Variants in SPIRE1 observed in about 807,000 individuals in gnomAD.
SPIRE1 encodes the protein spire type actin nucleation factor 1.
SPIRE1 carries 40 observed loss-of-function variants against 94.1 expected under a neutral mutation model. The ratio of observed to expected loss-of-function variants is 0.43; its 90% CI spans 0.33 to 0.55. SPIRE1 has a LOEUF of 0.55. Ranked by LOEUF, SPIRE1 falls within the 20% of genes least tolerant of loss-of-function variation. The probability of loss-of-function intolerance (pLI) is 0.06; values close to 1 mark genes in which losing one functional copy is unlikely to be tolerated. For missense variants in SPIRE1, 838 were observed against 975.2 expected, an observed-to-expected ratio of 0.86 and a Z score of 1.87; for synonymous variants, 376 against 371.7, an observed-to-expected ratio of 1.01 and a Z score of -0.13.
chr18:12,631,771 A>T (rs1598560623), intron 2 of SPIRE1, among the ~76,000 whole-genome samples: 1 of 152,254 alleles, frequency 6.6e-6, no homozygotes, highest in East Asian at 1.9e-4. Context: ...AGGCTGAGGT[A>T]GTAGAATCGC....
intron 16 of SPIRE1, chr18:12,450,540 C>T: frequency 1.8e-6 from 1 of 557,200 alleles, no homozygotes; most frequent in Non-Finnish European, 3.2e-6. Flanking sequence ...AAGAAGAGCC[C>T]AGCGGTCTCT....
chr18:12,506,082 T>A (rs2033822168), intron 6 of SPIRE1, among the ~76,000 whole-genome samples: 1 of 152,176 alleles, frequency 6.6e-6, no homozygotes, highest in Non-Finnish European at 1.5e-5. Flanking sequence ...AAATAAATAA[T>A]TTTTAAAATT....
rs1411121994 is a variant in SPIRE1 at position 12,546,776 on chromosome 18, G to A, written c.501C>T (p.Asp167=). The part of the protein sequence containing the change: ...IDHMANTVEA[D]GSNDEGYEAA... ...CCTCATAGCCCTCATCATTGCTACC[G>A]TCAGCTTCCACCGTGTTGGCCATGT... The change falls in exon 3 of 17, where the codon GAC becomes GAT. Residue 167 remains aspartate, a synonymous_variant. Transcript: ENST00000409402. 21 of 1,613,692 alleles carry A rather than the reference G, an allele frequency of 1.3e-5. No individual in the cohort carries two copies. The highest frequency in any genetic ancestry group is 8.3e-5 in the Admixed American group (5 of 59,962).
Position 12,463,504 on chromosome 18 carries a change from A to C in SPIRE1, c.1496-11T>G. 6.2e-7 allele frequency: 1 copy of C among 1,603,858 alleles called. No homozygotes were observed. Among genetic ancestry groups the C allele is most frequent in the Non-Finnish European group, 8.5e-7 (1 of 1,175,568 alleles). On this transcript the variant is annotated splice_polypyrimidine_tract_variant and intron_variant, in intron 11 of 16. Transcript: ENST00000409402. ...GGAATTTTGGAGGCTCTAAAGATTG[A>C]ACCAAATGAAATAAAACTTACTGTG...
upstream of SPIRE1, among the ~76,000 whole-genome samples, chr18:12,660,935 A>G (rs1246571539): frequency 6.6e-6 from 1 of 152,254 alleles, no homozygotes; most frequent in African/African-American, 2.4e-5. Context: ...GTGTAGTTAT[A>G]CAACATGAAC....
intron 10 of SPIRE1, among the ~76,000 whole-genome samples, chr18:12,478,427 AGG>A (rs1332766255): frequency 7.1e-6 from 1 of 141,022 alleles, no homozygotes; most frequent in Non-Finnish European, 1.5e-5. Context: ...GTGTGAAGCG[AGG>A]GTGTGTATGT....
At chr18:12,503,033 C>T (rs918548114) in intron 6 of SPIRE1, among the ~76,000 whole-genome samples, 17 of 151,524 alleles carry the variant, frequency 1.1e-4, no homozygotes, top group Middle Eastern at 3.4e-3. Flanking sequence ...GGCGTGAACC[C>T]GGGAGGCGGA....
chr18:12,454,281 G>A (rs2143517613), intron 13 of SPIRE1, 65 bp downstream of exon 13: 4 of 1,583,454 alleles, frequency 2.5e-6, no homozygotes, highest in Non-Finnish European at 3.5e-6. Context: ...AACTCTCCCA[G>A]GAGACTATGC....
Position 12,449,880 on chromosome 18 carries a change from T to TA in SPIRE1, c.2028dup (p.Lys677Ter), listed in dbSNP as rs2031139944. The TA allele has an allele frequency of 6.2e-7, 1 of 1,613,986 alleles. No homozygotes were observed. Among genetic ancestry groups the TA allele is most frequent in the Non-Finnish European group, 8.5e-7 (1 of 1,180,024 alleles). ...TCTTCATCTGATTTGTCCATAGACT[T>TA]AGATTTTGAGGAGAACCTGGGGTGA... On this transcript the variant is annotated frameshift_variant, in exon 17 of 17. Transcript: ENST00000409402. LOFTEE classifies it high-confidence loss of function.
At chr18:12,483,269 T>G (rs1426792687) in intron 9 of SPIRE1, among the ~76,000 whole-genome samples, 3 of 152,188 alleles carry the variant, frequency 2.0e-5, no homozygotes, top group South Asian at 2.1e-4. Context: ...AAACATATTT[T>G]TAAGAAGTTT....
At chr18:12,473,814 T>A (rs1024458818) in intron 10 of SPIRE1, among the ~76,000 whole-genome samples, 4 of 152,198 alleles carry the variant, frequency 2.6e-5, no homozygotes, top group Non-Finnish European at 5.9e-5. Context: ...TGGACCCACA[T>A]TTAAGTTAAC....
chr18:12,501,072 C>CAAAAAAAAA (rs67894900), intron 6 of SPIRE1, among the ~76,000 whole-genome samples: 3 of 80,218 alleles, frequency 3.7e-5, no homozygotes, highest in Non-Finnish European at 6.8e-5. Flanking sequence ...AACTCTGTCT[C>CAAAAAAAAA]AAAAAAAAAA....
intron 10 of SPIRE1, among the ~76,000 whole-genome samples, chr18:12,469,268 T>C (rs1396266601): frequency 6.6e-6 from 1 of 151,974 alleles, no homozygotes; most frequent in Non-Finnish European, 1.5e-5. Context: ...AGTGGTGTGA[T>C]CTCAGATCAC....
rs765900275 is a variant in SPIRE1 at position 12,464,918 on chromosome 18, G to C, written c.1445C>G (p.Ser482Cys). The C allele has an allele frequency of 5.6e-6, 9 of 1,614,066 alleles. No homozygotes were observed. The South Asian group carries it at 8.8e-5, about 16-fold the overall frequency. ...LHKSTSSSSV[S>C]PSFPEEPVLE... Reference sequence around the variant, plus strand: ...GACTGGCTCTTCAGGGAAAGAGGGAGACACGCTGCTGCTGCTGGTCGACTT... The same window carrying C: ...GACTGGCTCTTCAGGGAAAGAGGGACACACGCTGCTGCTGCTGGTCGACTT... The change falls in exon 11 of 17, where the codon TCT becomes TGT. Residue 482 changes from serine to cysteine, a missense_variant. Coordinates refer to ENST00000409402, the MANE Select transcript of SPIRE1 (RefSeq NM_001128626.2).
chr18:12,562,734 T>C (rs1000462123), intron 2 of SPIRE1, among the ~76,000 whole-genome samples: 3 of 148,654 alleles, frequency 2.0e-5, no homozygotes, highest in African/African-American at 7.4e-5. Flanking sequence ...GGTCTTGAAC[T>C]TCTGGGCTCA....
intron 7 of SPIRE1, among the ~76,000 whole-genome samples, chr18:12,495,012 C>T (rs1404225380): frequency 1.3e-3 from 180 of 141,528 alleles, no homozygotes; most frequent in African/African-American, 4.7e-3. Context: ...ATTGCATCAC[C>T]GCACTCCAGC....
intron 2 of SPIRE1, among the ~76,000 whole-genome samples, chr18:12,601,410 A>C (rs1445280168): frequency 6.6e-6 from 1 of 152,138 alleles, no homozygotes; most frequent in Non-Finnish European, 1.5e-5. Context: ...GCGATAAAGC[A>C]AGACTCCATT....
chr18:12,630,251 A>G (rs1033113258), intron 2 of SPIRE1, among the ~76,000 whole-genome samples: 6 of 152,216 alleles, frequency 3.9e-5, no homozygotes, highest in African/African-American at 1.4e-4. Flanking sequence ...GGAGTCTGTA[A>G]GCCTTGCTTA....
rs568498399 is a variant in SPIRE1, at chr18:12,488,964, T to C, written c.1190-2964A>G. 2.3e-3 allele frequency among the ~76,000 whole-genome samples: 350 copies of C among 152,208 alleles called. 2 individuals carry two copies. Among genetic ancestry groups the C allele is most frequent in the South Asian group, 0.014 (68 of 4,822 alleles). On this transcript the variant is annotated intron_variant, in intron 8 of 16. Coordinates refer to ENST00000409402, the MANE Select transcript of SPIRE1 (RefSeq NM_001128626.2). ...ACTTTCGGAGGCCGAGACGGGTGGA[T>C]CATGAGGTCAGGAGATTGAGACCAT...
Sources: gnomAD v4.1 joint callset for allele counts (sites outside exome capture counted in the v4.1 genomes callset) on GRCh38, gnomAD v4.1.1 for gene constraint, MANE v1.5 for transcripts, NCBI Gene and HGNC (gene_info 2026-07-23, HGNC 2026-07-21) for gene names.